The following NCOA3 variants were observed in gnomAD, a reference collection of about 807,000 sequenced individuals.
NCOA3 encodes nuclear receptor coactivator 3.
NCOA3 carries 51 observed loss-of-function variants against 158.8 expected under a neutral mutation model. The ratio of observed to expected loss-of-function variants is 0.32; its 90% confidence interval spans 0.26 to 0.41. The LOEUF (loss-of-function observed/expected upper bound fraction) is 0.41. NCOA3 is among the 10% of genes least tolerant of loss of function. The pLI is 1.00. For synonymous variants in NCOA3, 537 were observed against 592.4 expected, an observed-to-expected ratio of 0.91 and a Z score of 1.36; for missense variants, 1,510 against 1,746.6, an observed-to-expected ratio of 0.86 and a Z score of 2.41.
chr20:47,544,215 TG>T (rs1272690487), intron 1 of NCOA3, among the ~76,000 whole-genome samples: 1 of 151,990 alleles, frequency 6.6e-6, no homozygotes, highest in Non-Finnish European at 1.5e-5. Flanking sequence ...CTCTCCCTTT[TG>T]TTTTTTTGGG....
chr20:47,555,701 CTA>C (rs1325084355), intron 1 of NCOA3, among the ~76,000 whole-genome samples: 2 of 135,192 alleles, frequency 1.5e-5, no homozygotes, highest in African/African-American at 5.6e-5. Context: ...TGCAGTTGCA[CTA>C]TCTCGGTTCA....
intron 2 of NCOA3, among the ~76,000 whole-genome samples, chr20:47,592,949 T>C (rs2085670989): frequency 6.6e-6 from 1 of 152,228 alleles, no homozygotes; most frequent in African/African-American, 2.4e-5. Context: ...GACTGTTTTT[T>C]TGAGACAGAG....
At chr20:47,618,821 G>A (rs1177203013) in intron 2 of NCOA3, among the ~76,000 whole-genome samples, 2 of 152,198 alleles carry the variant, frequency 1.3e-5, no homozygotes, top group African/African-American at 4.8e-5. Context: ...TTCATTATAT[G>A]CACATAAACA....
At chr20:47,587,467 C>T (rs1000977874) in intron 2 of NCOA3, among the ~76,000 whole-genome samples, 25 of 152,282 alleles carry the variant, frequency 1.6e-4, no homozygotes, top group African/African-American at 5.5e-4. Flanking sequence ...ATACAGTCAT[C>T]CCTTCGTACC....
Position 47,656,821 on chromosome 20 carries a change from T to G in NCOA3, c.*3404T>G, listed in dbSNP as rs1479499700. ...CTTATGGGGGATGGTGAGCTGTGAC[T>G]GCTTTGCTGACCATTTTGGATGTCA... On this transcript the variant is annotated 3_prime_UTR_variant, in exon 23 of 23. Coordinates refer to ENST00000371998, the MANE Select transcript of NCOA3 (RefSeq NM_181659.3). The G allele has an allele frequency of 6.6e-6, 1 of 152,198 alleles. No homozygotes were observed. The highest frequency in any genetic ancestry group is 1.5e-5 in the Non-Finnish European group (1 of 67,988). The allele number at this position is 152,198 out of a possible 1,614,324, so 9.4% of individuals were successfully genotyped here. A position where few individuals can be genotyped will look rare whatever the true frequency, so the allele number is the denominator to read the frequency against.
rs1403025467 is a variant in NCOA3 at position 47,653,067 on chromosome 20, G to T, written c.4258G>T (p.Asp1420Tyr). 7 of 1,614,214 alleles carry T rather than the reference G, an allele frequency of 4.3e-6. No homozygotes were observed. Among genetic ancestry groups the T allele is most frequent in the Non-Finnish European group, 5.9e-6 (7 of 1,180,036 alleles). The change falls in exon 22 of 23, where the codon GAT (aspartate) becomes TAT (tyrosine). Residue 1420 changes from aspartate (D) to tyrosine (Y), a missense_variant. Asp to Tyr is a radical substitution (Grantham distance 160). Coordinates refer to ENST00000371998, the MANE Select transcript of NCOA3 (RefSeq NM_181659.3). ...CATGTCTGGCATGCCTATGGGTCCT[G>T]ATCAGGTATGGGATCGATTCCTTAC... ...MPMSGMPMGPDQKYC is the reference protein window; with the variant it reads ...MPMSGMPMGPYQKYC
At chr20:47,513,181 AAAAAT>A (rs1392321061) in intron 1 of NCOA3, among the ~76,000 whole-genome samples, 1 of 152,134 alleles carries the variant, frequency 6.6e-6, no homozygotes, top group African/African-American at 2.4e-5. Context: ...AAAAATTAAA[AAAAAT>A]AAAATAAACT....
chr20:47,525,986 C>T (rs74713786), intron 1 of NCOA3, among the ~76,000 whole-genome samples: 8 of 150,464 alleles, frequency 5.3e-5, no homozygotes, highest in East Asian at 2.0e-4. Flanking sequence ...TGGGCGGAGA[C>T]GCTCCTCACT....
chr20:47,582,461 C>T (rs1251993998), intron 1 of NCOA3, among the ~76,000 whole-genome samples: 1 of 152,232 alleles, frequency 6.6e-6, no homozygotes, highest in Non-Finnish European at 1.5e-5. Context: ...GATCCACCCA[C>T]CTCGGCCTCC....
chr20:47,509,219 T>C (rs536637945), intron 1 of NCOA3, among the ~76,000 whole-genome samples: 2 of 151,298 alleles, frequency 1.3e-5, no homozygotes, highest in South Asian at 4.2e-4. Context: ...TAAGATCCTG[T>C]CTCTATAAAA....
intron 2 of NCOA3, among the ~76,000 whole-genome samples, chr20:47,596,308 C>G (rs939965273): frequency 6.6e-6 from 1 of 152,096 alleles, no homozygotes; most frequent in African/African-American, 2.4e-5. Context: ...TGGTGGCTTT[C>G]TAAATTGTAA....
chr20:47,636,047 T>G lies in NCOA3; in HGVS notation c.1661T>G (p.Met554Arg), dbSNP rs1258489316. 6.2e-7 allele frequency: 1 copy of G among 1,614,052 alleles called. No individual in the cohort carries two copies. Among genetic ancestry groups the G allele is most frequent in the Admixed American group, 1.7e-5 (1 of 59,992 alleles). ...CCCAAATTGGATAACTCTCCCAATA[T>G]GAATATTACCCAACCAAGTAAAGTA... ...PGPKLDNSPNMNITQPSKVSN... is the reference protein window; with the variant it reads ...PGPKLDNSPNRNITQPSKVSN... The change falls in exon 12 of 23, where the codon ATG becomes AGG. Residue 554 changes from methionine (M) to arginine (R), a missense_variant. Transcript: ENST00000371998.
At chr20:47,594,000 C>T (rs561866118) in intron 2 of NCOA3, among the ~76,000 whole-genome samples, 33 of 152,042 alleles carry the variant, frequency 2.2e-4, no homozygotes, top group Non-Finnish European at 4.3e-4. Context: ...AAAATATGAA[C>T]CAAATTCATA....
chr20:47,632,836 C>A (rs1406776113), intron 8 of NCOA3, among the ~76,000 whole-genome samples: 1 of 151,530 alleles, frequency 6.6e-6, no homozygotes, highest in Admixed American at 6.6e-5. Flanking sequence ...GCGCACACTC[C>A]CATGCCCAGC....
intron 1 of NCOA3, among the ~76,000 whole-genome samples, chr20:47,514,982 G>C (rs2084208906): frequency 6.7e-6 from 1 of 149,276 alleles, no homozygotes; most frequent in Non-Finnish European, 1.5e-5. Context: ...ACCACACCCA[G>C]CCTCTTGTAT....
chr20:47,506,040 A>G (rs961919834), intron 1 of NCOA3, among the ~76,000 whole-genome samples: 1 of 151,948 alleles, frequency 6.6e-6, no homozygotes, highest in Non-Finnish European at 1.5e-5. Context: ...CCTGACCTCA[A>G]GTGATCCTCC....
intron 1 of NCOA3, among the ~76,000 whole-genome samples, chr20:47,526,606 C>G (rs1424818931): frequency 6.6e-6 from 1 of 152,166 alleles, no homozygotes; most frequent in Non-Finnish European, 1.5e-5. Context: ...CAAAAAAATA[C>G]GAAAACCAGT....
chr20:47,620,432 AC>A (rs2086220916), intron 2 of NCOA3, among the ~76,000 whole-genome samples: 1 of 152,234 alleles, frequency 6.6e-6, no homozygotes, highest in African/African-American at 2.4e-5. Flanking sequence ...TCAAAACCGA[AC>A]ATACCTTTAA....
At chr20:47,603,918 T>C (rs924417348) in intron 2 of NCOA3, among the ~76,000 whole-genome samples, 3 of 152,194 alleles carry the variant, frequency 2.0e-5, no homozygotes, top group Non-Finnish European at 4.4e-5. Flanking sequence ...AAAACAGGAA[T>C]GTTTGTTCTC....
Sources: allele counts gnomAD v4.1 joint callset (sites outside exome capture counted in the v4.1 genomes callset), GRCh38; gene constraint gnomAD v4.1.1; transcripts MANE v1.5; gene names NCBI Gene and HGNC (gene_info 2026-07-23, HGNC 2026-07-21).